The following PIK3C2A variants were observed in gnomAD, a reference collection of about 807,000 sequenced individuals.
PIK3C2A encodes the protein phosphatidylinositol-4-phosphate 3-kinase catalytic subunit type 2 alpha.
A neutral mutation model predicts 204.5 loss-of-function variants in PIK3C2A; 97 were observed. That is an observed-to-expected ratio of 0.47 (90% CI 0.40 to 0.56). The LOEUF is 0.56. Ranked by LOEUF, PIK3C2A falls within the 20% of genes least tolerant of loss-of-function variation. The probability of loss-of-function intolerance (pLI) is 0.00; values close to 1 mark genes in which losing one functional copy is unlikely to be tolerated. For synonymous variants in PIK3C2A, 653 were observed against 664.4 expected (o/e 0.98, Z 0.26); for missense variants, 1,735 against 1,969.2 (o/e 0.88, Z 2.25).
At chr11:17,205,349 C>T (rs214902) in intron 1 of PIK3C2A, among the ~76,000 whole-genome samples, 69,248 of 151,224 alleles carry the variant, frequency 0.46, 16,524 homozygotes, top group East Asian at 0.81. Context: ...CGGCACACGC[C>T]TGTAGTCCCA....
At chr11:17,149,835 T>C (rs1391521108) in intron 4 of PIK3C2A, among the ~76,000 whole-genome samples, 1 of 152,142 alleles carries the variant, frequency 6.6e-6, no homozygotes, top group African/African-American at 2.4e-5. Flanking sequence ...CCTTCAAAAG[T>C]ACAAAGCTAG....
intron 8 of PIK3C2A, among the ~76,000 whole-genome samples, chr11:17,136,961 T>C (rs1000089177): frequency 1.3e-5 from 2 of 152,196 alleles, no homozygotes; most frequent in Non-Finnish European, 2.9e-5. Flanking sequence ...AATTTCCACA[T>C]TGAAAATAAC....
chr11:17,169,012 T>A lies in PIK3C2A; in HGVS notation c.730A>T (p.Thr244Ser). 1.2e-6 allele frequency: 2 copies of A among 1,613,892 alleles called. No homozygotes were observed. The highest frequency in any genetic ancestry group is 1.7e-6 in the Non-Finnish European group (2 of 1,179,930). Residue 244 changes from threonine to serine, a missense_variant, in exon 2 of 33, where the codon ACT becomes TCT. This residue lies in a region of PIK3C2A where 536 missense variants were observed against 546.7 expected (regional missense o/e 0.98). Transcript: ENST00000691414. ...TTTGAATCTGTTATCTCCAAATCAG[T>A]CCTTGCTTTCCCATTTTTTAAAAAT... is the stretch of plus-strand genomic sequence containing the variant. Reference protein sequence around the residue: ...SEFLKNGKARTDLEITDSKVS... With the variant: ...SEFLKNGKARSDLEITDSKVS...
At chr11:17,137,832 G>A (rs555454518) in intron 8 of PIK3C2A, 193 of 302,438 alleles carry the variant, frequency 6.4e-4, no homozygotes, top group African/African-American at 3.6e-3. Flanking sequence ...CCAAGCTAGC[G>A]CATTTTTAGA....
rs761850354 is a variant in PIK3C2A at position 17,155,644 on chromosome 11, G to C, written c.1066-15C>G. ...TTTGGGTCTTTCTGTAATTAAAAAAGTGTTTTTATTTTAAAAGTGGAAGAT... is the reference window on the plus strand; with the variant it reads ...TTTGGGTCTTTCTGTAATTAAAAAACTGTTTTTATTTTAAAAGTGGAAGAT... On this transcript the variant is annotated splice_polypyrimidine_tract_variant and intron_variant, in intron 2 of 32. Transcript: ENST00000691414. 1 of 1,477,650 alleles carries C rather than the reference G, an allele frequency of 6.8e-7. No homozygotes were observed. Among genetic ancestry groups the C allele is most frequent in the Admixed American group, 1.7e-5 (1 of 58,766 alleles). 91.5% of individuals were successfully genotyped at this position (1,477,650 alleles called of 1,614,324 possible). A position where few individuals can be genotyped will look rare whatever the true frequency, so the allele number is the denominator to read the frequency against.
At chr11:17,172,596 A>G (rs1046794181) in intron 1 of PIK3C2A, among the ~76,000 whole-genome samples, 1 of 152,258 alleles carries the variant, frequency 6.6e-6, no homozygotes, top group African/African-American at 2.4e-5. Flanking sequence ...TATTAGTTTT[A>G]GAAAACAAAG....
intron 2 of PIK3C2A, among the ~76,000 whole-genome samples, chr11:17,162,746 T>C (rs542074751): frequency 6.6e-6 from 1 of 152,338 alleles, no homozygotes; most frequent in East Asian, 1.9e-4. Flanking sequence ...CCTGAACCCA[T>C]TCTGCTTCAG....
intron 1 of PIK3C2A, among the ~76,000 whole-genome samples, chr11:17,179,318 C>T (rs1480843786): frequency 1.3e-5 from 2 of 151,974 alleles, no homozygotes; most frequent in Admixed American, 6.6e-5. Flanking sequence ...TGTACTACTA[C>T]ATCCAACTAA....
chr11:17,196,055 A>C (rs1852143484), intron 1 of PIK3C2A, among the ~76,000 whole-genome samples: 2 of 152,016 alleles, frequency 1.3e-5, no homozygotes, highest in Non-Finnish European at 2.9e-5. Flanking sequence ...AAAAAAGAAA[A>C]GAAAAGAAAA....
At chr11:17,193,786 C>T in intron 1 of PIK3C2A, 1 of 183,394 alleles carries the variant, frequency 5.5e-6, no homozygotes, top group Non-Finnish European at 1.1e-5. Flanking sequence ...GCGGAGGCTG[C>T]AGTGAGCCGA....
At chr11:17,185,170 T>G (rs960762502) in intron 1 of PIK3C2A, among the ~76,000 whole-genome samples, 1 of 152,176 alleles carries the variant, frequency 6.6e-6, no homozygotes, top group Non-Finnish European at 1.5e-5. Flanking sequence ...ATACCATATT[T>G]TTACTGTGCC....
At chr11:17,097,689 G>A (rs568184888) in intron 26 of PIK3C2A, among the ~76,000 whole-genome samples, 18 of 152,164 alleles carry the variant, frequency 1.2e-4, no homozygotes, top group South Asian at 2.1e-4. Context: ...CAAGGGGAGC[G>A]GATCACTTGA....
At chr11:17,181,017 A>T (rs769573018) in intron 1 of PIK3C2A, among the ~76,000 whole-genome samples, 3 of 152,140 alleles carry the variant, frequency 2.0e-5, no homozygotes, top group Non-Finnish European at 2.9e-5. Context: ...TTACTGACTT[A>T]TTATAAAGGA....
intron 8 of PIK3C2A, among the ~76,000 whole-genome samples, chr11:17,140,844 G>C (rs1350779880): frequency 6.6e-6 from 1 of 152,060 alleles, no homozygotes; most frequent in Non-Finnish European, 1.5e-5. Flanking sequence ...ATAAAGGAGG[G>C]GGATAAGTAT....
intron 12 of PIK3C2A, 52 bp downstream of exon 12, chr11:17,131,864 A>C (rs111638472): frequency 9.2e-5 from 138 of 1,504,930 alleles, no homozygotes; most frequent in Non-Finnish European, 1.2e-4. Context: ...ACATTGGAAA[A>C]AGTAAACAAC....
intron 22 of PIK3C2A, among the ~76,000 whole-genome samples, chr11:17,108,465 T>C (rs1227104641): frequency 6.6e-6 from 1 of 151,992 alleles, no homozygotes; most frequent in Admixed American, 6.6e-5. Flanking sequence ...TAGCTGGGTG[T>C]GGTGGCATGT....
chr11:17,154,510 G>A (rs7946010), intron 3 of PIK3C2A, among the ~76,000 whole-genome samples: 64,674 of 151,904 alleles, frequency 0.43, 14,135 homozygotes, highest in Non-Finnish European at 0.48. Flanking sequence ...CCACACTGAA[G>A]ACAATGCTGG....
chr11:17,146,426 T>A (rs1032357926), intron 6 of PIK3C2A, among the ~76,000 whole-genome samples: 2 of 152,068 alleles, frequency 1.3e-5, no homozygotes, highest in African/African-American at 4.8e-5. Context: ...AAGAACATCA[T>A]TCCTGACAGG....
rs552672694 is a variant in PIK3C2A at position 17,127,862 on chromosome 11, T to C, written c.2399+1438A>G. ...ACACAAGGTTTCAAAAGATATATTC[T>C]AGAACAACAAAAAAGTGTCATGGTA... On this transcript the variant is annotated intron_variant, in intron 13 of 32. Transcript: ENST00000691414. Among the ~76,000 whole-genome samples, 6 of 152,268 alleles carry C rather than the reference T, an allele frequency of 3.9e-5. No homozygotes were observed. The South Asian group carries it at 6.2e-4, about 16-fold the overall frequency.
Sources: allele counts gnomAD v4.1 joint callset (sites outside exome capture counted in the v4.1 genomes callset), GRCh38; gene constraint gnomAD v4.1.1; regional missense constraint gnomAD v4.1.1; transcripts MANE v1.5; gene names NCBI Gene and HGNC (gene_info 2026-07-23, HGNC 2026-07-21).